KIAA1217: variants seen among roughly 807,000 people sequenced by gnomAD.
KIAA1217 encodes KIAA1217.
KIAA1217 carries 88 observed loss-of-function variants against 163.9 expected under a neutral mutation model. The observed-to-expected ratio is 0.54, with a 90% CI of 0.45 to 0.64. KIAA1217 has a LOEUF of 0.64. Ranked by LOEUF, KIAA1217 falls within the 30% of genes least tolerant of loss-of-function variation. The pLI is 0.00. For missense variants in KIAA1217, 2,372 were observed against 2,475.0 expected (o/e 0.96, Z 0.88); for synonymous variants, 903 against 923.1 (o/e 0.98, Z 0.39).
At chr10:23,859,525 C>G (rs1839858254) in intron 1 of KIAA1217, among the ~76,000 whole-genome samples, 1 of 152,140 alleles carries the variant, frequency 6.6e-6, no homozygotes, top group Non-Finnish European at 1.5e-5. Flanking sequence ...TGAAGCATTC[C>G]TTGCTCTAGG....
chr10:24,363,556 GTTTT>G (rs754748335), intron 2 of KIAA1217, among the ~76,000 whole-genome samples: 2 of 78,438 alleles, frequency 2.5e-5, no homozygotes, highest in East Asian at 2.8e-4. Context: ...TTTTTTGTGG[GTTTT>G]GTTTTTGTTT....
At chr10:23,715,196 C>A (rs1837492214) in intron 1 of KIAA1217, among the ~76,000 whole-genome samples, 2 of 152,186 alleles carry the variant, frequency 1.3e-5, no homozygotes, top group Non-Finnish European at 2.9e-5. Flanking sequence ...CCATGGTGAG[C>A]TTCTCCTGGG....
intron 2 of KIAA1217, among the ~76,000 whole-genome samples, chr10:24,296,116 T>A (rs920364614): frequency 5.3e-5 from 8 of 152,094 alleles, no homozygotes; most frequent in African/African-American, 1.7e-4. Flanking sequence ...TTCTTTTTTC[T>A]TTTTGGAGAC....
intron 1 of KIAA1217, among the ~76,000 whole-genome samples, chr10:23,840,215 G>A (rs529509037): frequency 6.6e-6 from 1 of 151,732 alleles, no homozygotes; most frequent in Non-Finnish European, 1.5e-5. Context: ...GAGTGCAATG[G>A]TACGATCTTG....
At chr10:23,788,523 G>T (rs188028587) in intron 1 of KIAA1217, among the ~76,000 whole-genome samples, 1 of 152,304 alleles carries the variant, frequency 6.6e-6, no homozygotes, top group African/African-American at 2.4e-5. Context: ...CCCTAGTTCT[G>T]CTGTGAAGTG....
intron 2 of KIAA1217, among the ~76,000 whole-genome samples, chr10:24,085,439 C>T (rs2061666759): frequency 6.6e-6 from 1 of 152,090 alleles, no homozygotes; most frequent in Admixed American, 6.5e-5. Context: ...CCAGTCAAGA[C>T]CATTTGTCTT....
rs1413564444 is a variant in KIAA1217 at position 23,824,643 on chromosome 10, A to T, written c.-321+129409A>T. Among the ~76,000 whole-genome samples the T allele has an allele frequency of 2.9e-4, 27 of 93,088 alleles. 1 individual carries two copies. Among genetic ancestry groups the T allele is most frequent in the Non-Finnish European group, 4.9e-4 (24 of 49,112 alleles). 61.1% of individuals were successfully genotyped at this position (93,088 alleles called of 152,430 possible). ...AACTCTGTCTCAAGAAAAAAAAAAA[A>T]AAAAAAATAAAAAAAATATATATAT... On this transcript the variant is annotated intron_variant, in intron 1 of 18. Coordinates refer to the KIAA1217 transcript ENST00000376462.
intron 1 of KIAA1217, among the ~76,000 whole-genome samples, chr10:23,836,277 T>C (rs1249652909): frequency 6.6e-6 from 1 of 152,178 alleles, no homozygotes; most frequent in Non-Finnish European, 1.5e-5. Flanking sequence ...TAGTTTATTG[T>C]TATGGGTAGT....
intron 1 of KIAA1217, among the ~76,000 whole-genome samples, chr10:23,730,461 G>A (rs928202822): frequency 8.5e-5 from 13 of 152,068 alleles, no homozygotes; most frequent in African/African-American, 2.2e-4. Flanking sequence ...GTTCTTCAAC[G>A]TTATTTTCTT....
upstream of KIAA1217, among the ~76,000 whole-genome samples, chr10:24,206,140 G>A (rs910888187): frequency 1.3e-5 from 2 of 152,128 alleles, no homozygotes; most frequent in African/African-American, 4.8e-5. Context: ...AACAGAAACG[G>A]AGTTGAAAAC....
intron 8 of KIAA1217, among the ~76,000 whole-genome samples, chr10:24,500,981 A>G (rs1413963222): frequency 1.3e-5 from 2 of 152,144 alleles, no homozygotes; most frequent in Non-Finnish European, 2.9e-5. Flanking sequence ...AGCTGGAGAT[A>G]CCGTTAACAC....
At chr10:24,526,170 C>T (rs2072125213) in intron 13 of KIAA1217, among the ~76,000 whole-genome samples, 1 of 152,166 alleles carries the variant, frequency 6.6e-6, no homozygotes, top group South Asian at 2.1e-4. Flanking sequence ...CCTGCCTCTA[C>T]TGAAAGTCAC....
chr10:24,338,556 A>T (rs1364516499), intron 2 of KIAA1217, among the ~76,000 whole-genome samples: 2 of 152,234 alleles, frequency 1.3e-5, no homozygotes, highest in Non-Finnish European at 2.9e-5. Context: ...CTTCAAAGAG[A>T]GACAGCTGTC....
intron 1 of KIAA1217, among the ~76,000 whole-genome samples, chr10:23,871,767 GTTA>G (rs1840466297): frequency 6.6e-6 from 1 of 152,044 alleles, no homozygotes; most frequent in Non-Finnish European, 1.5e-5. Flanking sequence ...ACCTCAGATT[GTTA>G]CAGATTCAAG....
chr10:23,890,382 C>A (rs190126604), intron 1 of KIAA1217, among the ~76,000 whole-genome samples: 1 of 151,684 alleles, frequency 6.6e-6, no homozygotes, highest in Admixed American at 6.6e-5. Context: ...TTCTTCTGAG[C>A]AATGCTTTAT....
intron 1 of KIAA1217, among the ~76,000 whole-genome samples, chr10:23,858,797 G>A (rs1427742637): frequency 2.0e-5 from 3 of 152,112 alleles, no homozygotes; most frequent in African/African-American, 7.2e-5. Context: ...AAGTCTAAAA[G>A]ACCTGGTTGT....
chr10:24,201,601 C>T (rs1253670795), intron 2 of KIAA1217, among the ~76,000 whole-genome samples: 3 of 152,120 alleles, frequency 2.0e-5, no homozygotes, highest in Non-Finnish European at 4.4e-5. Context: ...GCCAGCACCC[C>T]CTCTACCCAC....
At chr10:24,088,284 T>A (rs1296800287) in intron 2 of KIAA1217, among the ~76,000 whole-genome samples, 1 of 111,024 alleles carries the variant, frequency 9.0e-6, no homozygotes, top group African/African-American at 2.8e-5. Context: ...TACACACATA[T>A]ATGTGTATAT....
intron 2 of KIAA1217, among the ~76,000 whole-genome samples, chr10:24,365,582 C>T (rs940999254): frequency 7.2e-5 from 11 of 152,180 alleles, no homozygotes; most frequent in African/African-American, 2.7e-4. Flanking sequence ...AAGCAACCCT[C>T]ACCTTTCTGG....
Sources: gnomAD v4.1 joint callset for allele counts (sites outside exome capture counted in the v4.1 genomes callset) on GRCh38, gnomAD v4.1.1 for gene constraint, MANE v1.5 for transcripts, NCBI Gene and HGNC (gene_info 2026-07-23, HGNC 2026-07-21) for gene names.